DDAH1: variants seen among roughly 807,000 people sequenced by gnomAD.
The protein encoded by DDAH1 is N(G),N(G)-dimethylarginine dimethylaminohydrolase 1.
In DDAH1, 19 loss-of-function variants were observed where a neutral mutation model predicts 28.8. The observed-to-expected ratio is 0.66, with a 90% CI of 0.46 to 0.97. The LOEUF is 0.97. DDAH1 is among the 50% of genes least tolerant of loss of function. DDAH1 has a pLI of 0.00. For missense variants in DDAH1, 326 were observed against 375.9 expected (o/e 0.87, Z 1.10); for synonymous variants, 153 against 154.4 (o/e 0.99, Z 0.07).
At chr1:85,355,254 AAAG>A (rs986596773) in intron 2 of DDAH1, among the ~76,000 whole-genome samples, 31 of 152,272 alleles carry the variant, frequency 2.0e-4, no homozygotes, top group African/African-American at 6.7e-4. Flanking sequence ...ATTTCTCCAT[AAAG>A]AAGGCACAAG....
intron 1 of DDAH1, among the ~76,000 whole-genome samples, chr1:85,503,600 C>T (rs1656905605): frequency 6.6e-6 from 1 of 151,248 alleles, no homozygotes; most frequent in Non-Finnish European, 1.5e-5. Flanking sequence ...TATCTATCTA[C>T]TAAGCCCATG....
At position 85,320,487 on chromosome 1, in the gene DDAH1, C is replaced by T. The variant is rs1201616656; in HGVS notation, c.*965G>A. The T allele has an allele frequency of 6.7e-6, 1 of 149,686 alleles. No individual in the cohort carries two copies. The highest frequency in any genetic ancestry group is 1.5e-5 in the Non-Finnish European group (1 of 67,626). The allele number at this position is 149,686 out of a possible 1,614,324, so 9.3% of individuals were successfully genotyped here. On this transcript the variant is annotated 3_prime_UTR_variant, in exon 6 of 6. Coordinates refer to ENST00000284031, the MANE Select transcript of DDAH1 (RefSeq NM_012137.4). ...GTAGAAGACTGGAAATACGGTGAGT[C>T]AGGGTAGGTGGAAACAGAAATGAGT... is the stretch of plus-strand genomic sequence containing the variant.
chr1:85,491,587 T>C (rs1487466687), intron 2 of DDAH1, among the ~76,000 whole-genome samples: 1 of 152,136 alleles, frequency 6.6e-6, no homozygotes, highest in Non-Finnish European at 1.5e-5. Context: ...TGCCACTGAG[T>C]CCAGACATCC....
chr1:85,464,749 C>T lies in DDAH1; in HGVS notation c.297G>A (p.Arg99=), dbSNP rs772110239. The T allele has an allele frequency of 1.3e-6, 2 of 1,543,108 alleles. No homozygotes were observed. Among genetic ancestry groups the T allele is most frequent in the South Asian group, 1.2e-5 (1 of 83,288 alleles). Residue 99 remains arginine, a synonymous_variant, in exon 1 of 6, where the codon AGG becomes AGA. Transcript: ENST00000284031. The surrounding 1 kb of genome is among the most constrained non-coding windows in gnomAD (Gnocchi z 4.4). ...CCCTCGAGTCGGCAGTTACCTCCTT[C>T]CTCCGGCTCGGCGCCCCGGGTCGGG... The part of the protein sequence containing the change: ...LITRPGAPSR[R]KEVDMMKEAL...
At chr1:85,565,226 A>C (rs767632705) in intron 1 of DDAH1, among the ~76,000 whole-genome samples, 24 of 152,074 alleles carry the variant, frequency 1.6e-4, no homozygotes, top group Admixed American at 7.9e-4. Context: ...AAGAAGAACA[A>C]ATTTTTGAAT....
chr1:85,345,869 G>A (rs1648810675), intron 4 of DDAH1, among the ~76,000 whole-genome samples: 1 of 152,174 alleles, frequency 6.6e-6, no homozygotes, highest in Admixed American at 6.5e-5. Flanking sequence ...CATCTTAAAT[G>A]AATCAATGAA....
At chr1:85,469,736 G>T (rs1655553955), upstream of DDAH1, among the ~76,000 whole-genome samples, 1 of 152,146 alleles carries the variant, frequency 6.6e-6, no homozygotes. Context: ...TGTAATCATA[G>T]ATTCAATAAA....
chr1:85,432,465 CGT>C (rs921012630), intron 1 of DDAH1, among the ~76,000 whole-genome samples: 1 of 152,078 alleles, frequency 6.6e-6, no homozygotes, highest in African/African-American at 2.4e-5. Context: ...ATTTTATTTT[CGT>C]GTGTATTGTT....
intron 2 of DDAH1, among the ~76,000 whole-genome samples, chr1:85,478,616 C>T (rs1482186158): frequency 6.6e-6 from 1 of 152,222 alleles, no homozygotes; most frequent in African/African-American, 2.4e-5. Context: ...CTTCTCACAA[C>T]ATGTGGGGAT....
chr1:85,551,394 G>A (rs1000057057), intron 1 of DDAH1, among the ~76,000 whole-genome samples: 1 of 152,212 alleles, frequency 6.6e-6, no homozygotes, highest in African/African-American at 2.4e-5. Flanking sequence ...TTCGGTAACT[G>A]TATGTCAACA....
chr1:85,416,260 G>GT (rs149735541), intron 1 of DDAH1, among the ~76,000 whole-genome samples: 7,013 of 150,692 alleles, frequency 0.047, 263 homozygotes, highest in South Asian at 0.19. Flanking sequence ...GTTTTTTTGG[G>GT]TTTTTTTTTG....
At chr1:85,577,639 A>G (rs907090274) in intron 1 of DDAH1, among the ~76,000 whole-genome samples, 9 of 151,756 alleles carry the variant, frequency 5.9e-5, no homozygotes, top group Non-Finnish European at 4.4e-5. Flanking sequence ...TTCATTAACT[A>G]GCCCTCCAGG....
chr1:85,427,261 C>A (rs1653443954), intron 1 of DDAH1, among the ~76,000 whole-genome samples: 2 of 97,072 alleles, frequency 2.1e-5, no homozygotes, highest in Admixed American at 1.4e-4. Flanking sequence ...TTGTTTTTTT[C>A]CAAGTGAGCT....
intron 1 of DDAH1, among the ~76,000 whole-genome samples, chr1:85,562,795 G>C (rs1659175891): frequency 6.6e-6 from 1 of 152,172 alleles, no homozygotes; most frequent in Non-Finnish European, 1.5e-5. Context: ...CCAGAACTGT[G>C]AAAGAATAAA....
At chr1:85,531,410 A>G (rs1264757280) in intron 1 of DDAH1, among the ~76,000 whole-genome samples, 2 of 152,216 alleles carry the variant, frequency 1.3e-5, no homozygotes, top group Non-Finnish European at 2.9e-5. Context: ...TACAGTATTC[A>G]GTTTGTGCAT....
intron 1 of DDAH1, among the ~76,000 whole-genome samples, chr1:85,497,548 A>G (rs1656643094): frequency 6.6e-6 from 1 of 152,208 alleles, no homozygotes; most frequent in Non-Finnish European, 1.5e-5. Context: ...AAATTTTTAG[A>G]TAATCTTTCT....
chr1:85,419,464 C>T (rs886202475), intron 1 of DDAH1, among the ~76,000 whole-genome samples: 4 of 144,400 alleles, frequency 2.8e-5, no homozygotes, highest in East Asian at 2.1e-4. Flanking sequence ...CACTTGAAAC[C>T]GGGAGACAGA....
intron 2 of DDAH1, among the ~76,000 whole-genome samples, chr1:85,487,682 T>G (rs1255088995): frequency 2.6e-5 from 4 of 152,186 alleles, no homozygotes; most frequent in Non-Finnish European, 5.9e-5. Flanking sequence ...TATACAGCAA[T>G]GTCTCCTTTC....
intron 1 of DDAH1, among the ~76,000 whole-genome samples, chr1:85,457,013 T>C (rs540312195): frequency 9.8e-5 from 15 of 152,298 alleles, no homozygotes; most frequent in East Asian, 1.9e-4. Flanking sequence ...CAGACCATTA[T>C]GGAGCATGTG....
Sources: gnomAD v4.1 joint callset for allele counts (sites outside exome capture counted in the v4.1 genomes callset) on GRCh38, gnomAD v4.1.1 for gene constraint, Gnocchi (gnomAD v3.1) non-coding constraint, MANE v1.5 for transcripts, NCBI Gene and HGNC (gene_info 2026-07-23, HGNC 2026-07-21) for gene names.